The following SLC6A6 variants were observed in gnomAD, a reference collection of about 807,000 sequenced individuals.
SLC6A6 encodes solute carrier family 6 member 6.
A neutral mutation model predicts 68.8 loss-of-function variants in SLC6A6; 16 were observed. The observed-to-expected ratio is 0.23, with a 90% CI of 0.16 to 0.35. The LOEUF (loss-of-function observed/expected upper bound fraction) is 0.35, where lower values mean the gene tolerates loss of function less well. Ranked by LOEUF, SLC6A6 falls within the 10% of genes least tolerant of loss-of-function variation. SLC6A6 has a pLI of 1.00. For missense variants in SLC6A6, 474 were observed against 802.8 expected (o/e 0.59, Z 4.95); for synonymous variants, 312 against 315.4 (o/e 0.99, Z 0.12).
intron 2 of SLC6A6, among the ~76,000 whole-genome samples, chr3:14,429,852 T>C (rs1446428718): frequency 5.9e-5 from 9 of 152,202 alleles, no homozygotes; most frequent in African/African-American, 2.2e-4. Flanking sequence ...GAGGCCCGCT[T>C]ACAGGTCAAG....
chr3:14,443,539 C>G, intron 2 of SLC6A6, 85 bp from the exon 3 acceptor site: 1 of 984,684 alleles, frequency 1.0e-6, no homozygotes, highest in Non-Finnish European at 1.6e-6. Context: ...GGAGCCGGCT[C>G]GTGGATGAGG....
chr3:14,438,670 C>A (rs1574931739), intron 2 of SLC6A6, among the ~76,000 whole-genome samples: 1 of 152,228 alleles, frequency 6.6e-6, no homozygotes, highest in East Asian at 1.9e-4. Context: ...GAAACCTGGC[C>A]CAGAGATCCT....
chr3:14,477,090 A>G lies in SLC6A6; in HGVS notation c.1210-115A>G. On this transcript the variant is annotated intron_variant, in intron 10 of 14. Coordinates refer to ENST00000622186, the MANE Select transcript of SLC6A6 (RefSeq NM_003043.6). This position sits in a 1 kb window ranked among gnomAD's most constrained non-coding sequence, Gnocchi z 4.2. ...GATCTCACAGGCCAATTCTGGACACAAGGATGGTCACGTCTGCTCCTGCAT... is the reference window on the plus strand; with the variant it reads ...GATCTCACAGGCCAATTCTGGACACGAGGATGGTCACGTCTGCTCCTGCAT... 2 of 972,958 alleles carry G rather than the reference A, an allele frequency of 2.1e-6. No individual in the cohort carries two copies. Among genetic ancestry groups the G allele is most frequent in the South Asian group, 1.5e-5 (1 of 65,698 alleles). The allele number at this position is 972,958 out of a possible 1,614,324, so 60.3% of individuals were successfully genotyped here.
At chr3:14,456,329 T>G (rs893731838) in intron 5 of SLC6A6, among the ~76,000 whole-genome samples, 3 of 152,254 alleles carry the variant, frequency 2.0e-5, no homozygotes, top group Admixed American at 2.0e-4. Context: ...TTATGGCTGT[T>G]AGTGGGAGTA....
intron 1 of SLC6A6, among the ~76,000 whole-genome samples, chr3:14,403,608 T>G (rs1699038264): frequency 6.6e-6 from 1 of 152,160 alleles, no homozygotes; most frequent in Admixed American, 6.5e-5. Context: ...GGTGTGCAGG[T>G]GGCAGCGCCA....
rs1701115401 is a variant in SLC6A6 at position 14,485,067 on chromosome 3, T to C, written c.*60T>C. ...GCTGTTTACTAACATTAGATTCTCA[T>C]AGGACCAGGTTTACAGAGCTTTATA... On this transcript the variant is annotated 3_prime_UTR_variant, in exon 15 of 15. Transcript: ENST00000622186. 3 of 1,445,768 alleles carry C rather than the reference T, an allele frequency of 2.1e-6. No individual in the cohort carries two copies. The highest frequency in any genetic ancestry group is 2.5e-5 in the South Asian group (2 of 81,164). The allele number at this position is 1,445,768 out of a possible 1,614,324, so 89.6% of individuals were successfully genotyped here.
At chr3:14,455,751 C>G (rs548992275) in intron 5 of SLC6A6, among the ~76,000 whole-genome samples, 244 of 152,254 alleles carry the variant, frequency 1.6e-3, no homozygotes, top group African/African-American at 5.5e-3. Context: ...GGTGCTGAGC[C>G]CTGCAGAATG....
At chr3:14,410,471 T>C in intron 1 of SLC6A6, among the ~76,000 whole-genome samples, 1 of 152,184 alleles carries the variant, frequency 6.6e-6, no homozygotes. Context: ...ATGGGGTTCC[T>C]GGAAAGCTCA....
At chr3:14,421,094 C>A (rs1699475638) in intron 2 of SLC6A6, among the ~76,000 whole-genome samples, 1 of 152,206 alleles carries the variant, frequency 6.6e-6, no homozygotes. Context: ...AGTGACAGCC[C>A]TGGGGCATGG....
At chr3:14,476,243 G>C (rs1301513131) in intron 10 of SLC6A6, among the ~76,000 whole-genome samples, 1 of 152,216 alleles carries the variant, frequency 6.6e-6, no homozygotes, top group Non-Finnish European at 1.5e-5. Context: ...CCTGCACACA[G>C]GAGGAGAGGA....
intron 2 of SLC6A6, among the ~76,000 whole-genome samples, chr3:14,434,199 G>A (rs1699799275): frequency 6.6e-6 from 1 of 152,202 alleles, no homozygotes; most frequent in Non-Finnish European, 1.5e-5. Context: ...GAATCCAGCT[G>A]TATGACCCTG....
At chr3:14,482,321 C>T (rs1701027258) in intron 14 of SLC6A6, among the ~76,000 whole-genome samples, 1 of 152,232 alleles carries the variant, frequency 6.6e-6, no homozygotes, top group Non-Finnish European at 1.5e-5. Context: ...AGGATCATCC[C>T]AGCCCATGCT....
rs41284017 is a variant in SLC6A6, at chr3:14,481,788, G to A, written c.1669G>A (p.Val557Ile). The A allele has an allele frequency of 7.2e-3, 11,687 of 1,614,086 alleles. 89 individuals are homozygous for A. Among genetic ancestry groups the A allele is most frequent in the African/African-American group, 0.031 (2,359 of 75,028 alleles). The change falls in exon 14 of 15, where the codon GTT becomes ATT. Residue 557 changes from valine to isoleucine, a missense_variant. Around this residue, in one of 2 missense-constraint regions of SLC6A6, gnomAD observed 194 missense variants for 269.8 expected, o/e 0.72. Transcript: ENST00000622186. The surrounding 1 kb of genome is among the most constrained non-coding windows in gnomAD (Gnocchi z 4.7). The stretch of plus-strand genomic sequence containing the variant: ...CCTGGCCCTTTCCTCCATGCTCTGC[G>A]TTCCCTTGGTCATCGTCATCCGCCT... ...WSLALSSMLC[V>I]PLVIVIRLCQ...
chr3:14,475,198 A>AT (rs541924411), intron 10 of SLC6A6, among the ~76,000 whole-genome samples: 1,544 of 145,588 alleles, frequency 0.011, 21 homozygotes, highest in South Asian at 0.068. Flanking sequence ...TACCTGGCTA[A>AT]TTTTTTTTTT....
intron 1 of SLC6A6, among the ~76,000 whole-genome samples, chr3:14,414,368 C>T (rs906794097): frequency 9.9e-5 from 15 of 152,142 alleles, no homozygotes; most frequent in African/African-American, 3.1e-4. Context: ...GGCTGGCTCA[C>T]GTGCCCACCT....
At chr3:14,447,558 T>C (rs1416275905) in intron 4 of SLC6A6, 24 bp from the exon 5 acceptor site, 59 of 1,613,488 alleles carry the variant, frequency 3.7e-5, no homozygotes, top group Non-Finnish European at 4.8e-5. Flanking sequence ...AGATGTTTAC[T>C]CATCTCATTT....
At chr3:14,407,769 G>T (rs576787519) in intron 1 of SLC6A6, among the ~76,000 whole-genome samples, 3 of 152,066 alleles carry the variant, frequency 2.0e-5, no homozygotes, top group Non-Finnish European at 4.4e-5. Flanking sequence ...GCCTCCCAGA[G>T]TGCTGGGATT....
chr3:14,480,821 A>G (rs920628702), intron 13 of SLC6A6, among the ~76,000 whole-genome samples: 1 of 152,184 alleles, frequency 6.6e-6, no homozygotes, highest in Non-Finnish European at 1.5e-5. Flanking sequence ...TGCTCTTCTC[A>G]CAGGGAAAGG....
chr3:14,422,160 G>A (rs968874840), intron 2 of SLC6A6, among the ~76,000 whole-genome samples: 9 of 152,106 alleles, frequency 5.9e-5, no homozygotes, highest in Admixed American at 2.0e-4. Context: ...AGCAAGCACC[G>A]CCAGGATCCC....
Sources: allele counts gnomAD v4.1 joint callset (sites outside exome capture counted in the v4.1 genomes callset), GRCh38; gene constraint gnomAD v4.1.1; regional missense constraint gnomAD v4.1.1; non-coding constraint Gnocchi (gnomAD v3.1); transcripts MANE v1.5; gene names NCBI Gene and HGNC (gene_info 2026-07-23, HGNC 2026-07-21).